KCNAB2: variants seen among roughly 807,000 people sequenced by gnomAD.
KCNAB2 encodes voltage-gated potassium channel subunit beta-2.
Under a neutral mutation model 63.6 loss-of-function variants are expected in KCNAB2, and 29 were observed. The ratio of observed to expected loss-of-function variants is 0.46; its 90% CI spans 0.34 to 0.62. KCNAB2 has a LOEUF of 0.62. Ranked by LOEUF, KCNAB2 falls within the 20% of genes least tolerant of loss-of-function variation. KCNAB2 has a pLI of 0.01. For missense variants in KCNAB2, 359 were observed against 563.9 expected, an observed-to-expected ratio of 0.64 and a Z score of 3.68; for synonymous variants, 222 against 224.2, an observed-to-expected ratio of 0.99 and a Z score of 0.09.
rs562091709 is a variant in KCNAB2, at chr1:6,069,762, C to T, written c.219-2993C>T. 6.6e-6 allele frequency among the ~76,000 whole-genome samples: 1 copy of T among 152,338 alleles called. No homozygotes were observed. Among genetic ancestry groups the T allele is most frequent in the South Asian group, 2.1e-4 (1 of 4,824 alleles). On this transcript the variant is annotated intron_variant, in intron 2 of 15. Transcript: ENST00000378083. The surrounding 1 kb of genome is among the most constrained non-coding windows in gnomAD (Gnocchi z 5.4). The stretch of plus-strand genomic sequence containing the variant: ...CCCTGTCCCTTCGCATCCCTTCTCC[C>T]GAGGCCTGGCAGCGGATGGCAGAAC...
Position 6,074,480 on chromosome 1 carries a change from G to C in KCNAB2, c.300+710G>C, listed in dbSNP as rs1663496264. On this transcript the variant is annotated intron_variant, in intron 4 of 15. Transcript: ENST00000378083. The surrounding 1 kb of genome is among the most constrained non-coding windows in gnomAD (Gnocchi z 4.9). ...CAGTGGCATTTGCTCAGACAGCTCT[G>C]GGCATCTGCACAAGAAGCAGTTTTC... Among the ~76,000 whole-genome samples the C allele has an allele frequency of 6.6e-6, 1 of 152,208 alleles. No homozygotes were observed. The highest frequency in any genetic ancestry group is 6.5e-5 in the Admixed American group (1 of 15,282).
At chr1:6,091,144 A>C in intron 9 of KCNAB2, 119 bp from the exon 10 acceptor site, 1 of 737,944 alleles carries the variant, frequency 1.4e-6, no homozygotes, top group Non-Finnish European at 2.4e-6. Context: ...TTTCCTTTTT[A>C]ACTAAACGCG....
rs1658999726 is a variant in KCNAB2, at chr1:6,024,060, G to A, written c.-52-16457G>A. Among the ~76,000 whole-genome samples the A allele has an allele frequency of 6.6e-6, 1 of 151,952 alleles. No homozygotes were observed. The highest frequency in any genetic ancestry group is 6.6e-5 in the Admixed American group (1 of 15,232). ...GGGTTCAAGCAATTCTCCTGCCTCA[G>A]CCTTCCGAGTAGCTGGGATTACAGG... is the stretch of plus-strand genomic sequence containing the variant. On this transcript the variant is annotated intron_variant, in intron 1 of 16. Transcript: ENST00000341524. This position sits in a 1 kb window ranked among gnomAD's most constrained non-coding sequence, Gnocchi z 5.4.
chr1:6,050,854 A>G (rs1156456303), intron 1 of KCNAB2, among the ~76,000 whole-genome samples: 1 of 152,258 alleles, frequency 6.6e-6, no homozygotes, highest in East Asian at 1.9e-4. Context: ...TGCAAAAAGC[A>G]TGAAGCCCAA....
At position 6,096,783 on chromosome 1, in the gene KCNAB2, G is replaced by A; in HGVS notation, c.1069+27G>A. The A allele has an allele frequency of 1.3e-6, 2 of 1,547,152 alleles. No individual in the cohort carries two copies. The highest frequency in any genetic ancestry group is 1.7e-6 in the Non-Finnish European group (2 of 1,143,098). On this transcript the variant is annotated intron_variant, in intron 14 of 15. Transcript: ENST00000378083. The surrounding 1 kb of genome is among the most constrained non-coding windows in gnomAD (Gnocchi z 5.9). ...TAACGGTGGGGTCGCCATGGGGCCA[G>A]TGCCCCTGGGGAGAACCTGCCCCAG... is the stretch of plus-strand genomic sequence containing the variant.
intron 15 of KCNAB2, 91 bp from the exon 16 acceptor site, chr1:6,098,394 C>A (rs1055023948): frequency 6.4e-7 from 1 of 1,562,060 alleles, no homozygotes; most frequent in Non-Finnish European, 8.7e-7. Context: ...CCTGGCCAGC[C>A]GACCATCTGG....
upstream of KCNAB2, among the ~76,000 whole-genome samples, chr1:6,043,855 C>T (rs1158725124): frequency 3.3e-5 from 5 of 152,208 alleles, no homozygotes; most frequent in Non-Finnish European, 7.3e-5. Flanking sequence ...CTCCAAAACT[C>T]AGTGCCACGC....
Position 6,024,060 on chromosome 1 carries a change from GC to G in KCNAB2, c.-52-16455del, listed in dbSNP as rs1445642696. Among the ~76,000 whole-genome samples, 10 of 152,070 alleles carry G rather than the reference GC, an allele frequency of 6.6e-5. No homozygotes were observed. Among genetic ancestry groups the G allele is most frequent in the Admixed American group, 1.3e-4 (2 of 15,252 alleles). On this transcript the variant is annotated intron_variant, in intron 1 of 16. Transcript: ENST00000341524. The surrounding 1 kb of genome is among the most constrained non-coding windows in gnomAD (Gnocchi z 5.4). ...GGGTTCAAGCAATTCTCCTGCCTCAGCCTTCCGAGTAGCTGGGATTACAGGC... is the reference window on the plus strand; with the variant it reads ...GGGTTCAAGCAATTCTCCTGCCTCAGCTTCCGAGTAGCTGGGATTACAGGC...
chr1:6,068,739 G>T (rs1014330655), intron 2 of KCNAB2, among the ~76,000 whole-genome samples: 3 of 152,164 alleles, frequency 2.0e-5, no homozygotes, highest in Non-Finnish European at 2.9e-5. Context: ...GTGCAAGAGG[G>T]GGGCAGCAGG....
chr1:6,004,393 T>C (rs969650573), intron 1 of KCNAB2, among the ~76,000 whole-genome samples: 2 of 152,046 alleles, frequency 1.3e-5, no homozygotes, highest in African/African-American at 4.8e-5. Flanking sequence ...AGGGGGTGCA[T>C]TTGTTTCCTA....
chr1:6,041,782 C>G, upstream of KCNAB2: 2 of 1,552,630 alleles, frequency 1.3e-6, no homozygotes, highest in Non-Finnish European at 1.8e-6. Flanking sequence ...TGGACTCTCT[C>G]TCTTCTCTCC....
chr1:6,061,172 G>T (rs931867594), intron 2 of KCNAB2, among the ~76,000 whole-genome samples: 12 of 152,220 alleles, frequency 7.9e-5, no homozygotes, highest in Non-Finnish European at 1.6e-4. Flanking sequence ...TTTTAATGGG[G>T]GTGGCTGCTC....
chr1:6,019,078 G>A (rs72861028), intron 1 of KCNAB2, among the ~76,000 whole-genome samples: 1,687 of 152,272 alleles, frequency 0.011, 36 homozygotes, highest in African/African-American at 0.038. Context: ...GACAGTGTAA[G>A]GCCAAGAGTC....
chr1:6,052,963 C>T (rs183601465), intron 2 of KCNAB2, among the ~76,000 whole-genome samples: 56 of 152,212 alleles, frequency 3.7e-4, no homozygotes, highest in African/African-American at 1.2e-3. Context: ...GGATCATCTG[C>T]GTGCTCTGTG....
At chr1:6,066,437 A>G (rs1662761189) in intron 2 of KCNAB2, among the ~76,000 whole-genome samples, 1 of 152,232 alleles carries the variant, frequency 6.6e-6, no homozygotes, top group South Asian at 2.1e-4. Context: ...AGTGCTTGGT[A>G]GATGATGAGA....
rs1046302950 is a variant in KCNAB2, at chr1:5,994,050, A to G, written c.-53+1262A>G. On this transcript the variant is annotated intron_variant, in intron 1 of 16. Coordinates refer to the KCNAB2 transcript ENST00000341524. This position sits in a 1 kb window ranked among gnomAD's most constrained non-coding sequence, Gnocchi z 5.4. ...GTAATAGCTCTTGGGGAAGTGGGCT[A>G]TTAGCATTTATGGAAATTAATACAT... Among the ~76,000 whole-genome samples the G allele has an allele frequency of 9.2e-5, 14 of 152,322 alleles. No homozygotes were observed. The highest frequency in any genetic ancestry group is 1.9e-4 in the East Asian group (1 of 5,182).
At chr1:6,089,371 G>A (rs1204966257) in intron 8 of KCNAB2, among the ~76,000 whole-genome samples, 2 of 152,240 alleles carry the variant, frequency 1.3e-5, no homozygotes, top group Non-Finnish European at 2.9e-5. Context: ...CTGTGCAATA[G>A]GGACAGTAAG....
upstream of KCNAB2, chr1:6,045,789 T>C: frequency 1.9e-6 from 1 of 531,280 alleles, no homozygotes; most frequent in Non-Finnish European, 2.4e-6. This position sits in a 1 kb window ranked among gnomAD's most constrained non-coding sequence, Gnocchi z 4.8. Flanking sequence ...AGGTTTGTGT[T>C]TCTGGCACGC....
Position 6,099,894 on chromosome 1 carries a change from C to T in KCNAB2, c.*1320C>T. On this transcript the variant is annotated 3_prime_UTR_variant, in exon 16 of 16. Transcript: ENST00000378083. The stretch of plus-strand genomic sequence containing the variant: ...AGCTTGGGCCGGAGGGCAAGGGATG[C>T]CAGTAAGTCTGCAGGTGCGGGGTGC... The T allele has an allele frequency of 6.5e-7, 1 of 1,550,326 alleles. No individual in the cohort carries two copies. Among genetic ancestry groups the T allele is most frequent in the Non-Finnish European group, 8.7e-7 (1 of 1,146,874 alleles).
Sources: gnomAD v4.1 joint callset for allele counts (sites outside exome capture counted in the v4.1 genomes callset) on GRCh38, gnomAD v4.1.1 for gene constraint, Gnocchi (gnomAD v3.1) non-coding constraint, MANE v1.5 for transcripts, NCBI Gene and HGNC (gene_info 2026-07-23, HGNC 2026-07-21) for gene names.